MED13: variants seen among roughly 807,000 people sequenced by gnomAD.
MED13 encodes mediator of RNA polymerase II transcription subunit 13.
A neutral mutation model predicts 225.2 loss-of-function variants in MED13; 23 were observed. The observed-to-expected ratio is 0.10, with a 90% CI of 0.07 to 0.14. The LOEUF is 0.14. MED13 is among the 10% of genes least tolerant of loss of function. MED13 has a pLI of 1.00. For missense variants in MED13, 2,197 were observed against 2,594.5 expected (o/e 0.85, Z 3.33); for synonymous variants, 942 against 889.2 (o/e 1.06, Z -1.06).
intron 26 of MED13, among the ~76,000 whole-genome samples, chr17:61,953,691 G>A (rs1288783544): frequency 6.6e-6 from 1 of 152,220 alleles, no homozygotes; most frequent in Non-Finnish European, 1.5e-5. Context: ...CTGACTTCCA[G>A]AACTGTAAGA....
At chr17:61,958,719 C>G (rs1374918839) in intron 23 of MED13, among the ~76,000 whole-genome samples, 1 of 151,744 alleles carries the variant, frequency 6.6e-6, no homozygotes, top group East Asian at 2.0e-4. Context: ...GTGATCCGCC[C>G]ACCTTGCCCT....
intron 2 of MED13, among the ~76,000 whole-genome samples, chr17:62,056,686 A>G (rs1472816510): frequency 3.3e-5 from 5 of 152,134 alleles, no homozygotes; most frequent in Admixed American, 2.6e-4. Flanking sequence ...GCTTGAGTCC[A>G]GGAGTCGGAG....
At chr17:62,048,845 A>G (rs773992086) in intron 3 of MED13, among the ~76,000 whole-genome samples, 33 of 152,274 alleles carry the variant, frequency 2.2e-4, no homozygotes, top group Non-Finnish European at 3.7e-4. Flanking sequence ...ACTCACATAC[A>G]CAGAACCTCC....
Position 61,966,424 on chromosome 17 carries a change from C to T in MED13, c.4381+38G>A, listed in dbSNP as rs937477061. On this transcript the variant is annotated intron_variant, in intron 19 of 29. Coordinates refer to ENST00000397786, the MANE Select transcript of MED13 (RefSeq NM_005121.3). The stretch of plus-strand genomic sequence containing the variant: ...AGCTGGTGGAGCAGGCCACATTTTG[C>T]TAACACCAGCCTTATACAATAAATA... 4 of 1,507,730 alleles carry T rather than the reference C, an allele frequency of 2.7e-6. No individual in the cohort carries two copies. In the African/African-American group the frequency reaches 5.6e-5, roughly 21 times the overall value. The allele number at this position is 1,507,730 out of a possible 1,614,324, so 93.4% of individuals were successfully genotyped here.
chr17:62,015,877 G>GTA lies in MED13; in HGVS notation c.1284-4646_1284-4645dup, dbSNP rs534114735. ...ATGTGTATAGTGTGTATGTGTGTGT[G>GTA]TATATATATACACACACACACACAT... On this transcript the variant is annotated intron_variant, in intron 8 of 29. Transcript: ENST00000397786. 5.6e-3 allele frequency among the ~76,000 whole-genome samples: 333 copies of GTA among 59,158 alleles called. 8 individuals carry two copies. Among genetic ancestry groups the GTA allele is most frequent in the African/African-American group, 0.02 (315 of 15,800 alleles). The allele number at this position is 59,158 out of a possible 152,430, so 38.8% of individuals were successfully genotyped here.
At chr17:61,984,117 A>C in intron 15 of MED13, 54 bp downstream of exon 15, 2 of 1,276,370 alleles carry the variant, frequency 1.6e-6, no homozygotes, top group Non-Finnish European at 2.0e-6. Context: ...TCTATGAAAA[A>C]AAAATTAAAG....
intron 8 of MED13, among the ~76,000 whole-genome samples, chr17:62,026,495 AG>A (rs1307510359): frequency 6.6e-6 from 1 of 150,944 alleles, no homozygotes; most frequent in African/African-American, 2.4e-5. Flanking sequence ...AAAAAAAAAA[AG>A]ACTGTAGCTG....
intron 3 of MED13, among the ~76,000 whole-genome samples, chr17:62,047,352 T>C (rs867933804): frequency 3.3e-5 from 5 of 152,086 alleles, no homozygotes; most frequent in Non-Finnish European, 5.9e-5. Context: ...CCCTGGGCGA[T>C]AGAGCAAGAC....
In MED13 at chr17:61,945,653, A is replaced by C. The variant is rs2079846738; in HGVS notation, c.*815T>G. On this transcript the variant is annotated 3_prime_UTR_variant, in exon 30 of 30. Coordinates refer to ENST00000397786, the MANE Select transcript of MED13 (RefSeq NM_005121.3). The stretch of plus-strand genomic sequence containing the variant: ...ATTGCCATCATGTTATTCTGTAAAG[A>C]TGTGATATATAAAATGCTGTAAGAC... The C allele has an allele frequency of 6.6e-6, 1 of 152,630 alleles. No individual in the cohort carries two copies. The highest frequency in any genetic ancestry group is 6.5e-5 in the Admixed American group (1 of 15,270). 9.5% of individuals were successfully genotyped at this position (152,630 alleles called of 1,614,324 possible).
chr17:61,999,825 G>C (rs1012670000), intron 9 of MED13, among the ~76,000 whole-genome samples: 6 of 152,158 alleles, frequency 3.9e-5, no homozygotes, highest in African/African-American at 1.4e-4. Flanking sequence ...GGGAGGCCAA[G>C]GTAGTAGCAT....
Position 61,946,501 on chromosome 17 carries a change from A to G in MED13, c.6492T>C (p.Asn2164=). ...TATTCATAATAAAGTTATATAACTG[A>G]TTCAGCACCACAAAATGAATTGGGA... The part of the protein sequence containing the change: ...SCLPIHFVVL[N]QLYNFIMNML The change falls in exon 30 of 30, where the codon AAT becomes AAC. Residue 2164 remains asparagine, a synonymous_variant. Coordinates refer to ENST00000397786, the MANE Select transcript of MED13 (RefSeq NM_005121.3). 1.2e-6 allele frequency: 2 copies of G among 1,613,910 alleles called. No homozygotes were observed. Among genetic ancestry groups the G allele is most frequent in the East Asian group, 2.2e-5 (1 of 44,872 alleles).
chr17:62,025,279 A>G (rs2080690404), intron 8 of MED13, among the ~76,000 whole-genome samples: 1 of 152,198 alleles, frequency 6.6e-6, no homozygotes, highest in Non-Finnish European at 1.5e-5. Context: ...GTTCTAATAA[A>G]TCCTTATTTA....
rs774750862 is a variant in MED13 at position 61,982,948 on chromosome 17, G to C, written c.3055C>G (p.Arg1019Gly). The change falls in exon 16 of 30, where the codon CGG (arginine) becomes GGG (glycine). Residue 1019 changes from arginine (R) to glycine (G), a missense_variant. By Grantham distance (125) the Arg-to-Gly change is moderately radical. This residue lies in a region of MED13 where 99 missense variants were observed against 158.5 expected (regional missense o/e 0.62). Transcript: ENST00000397786. ...GGTCCACCAGCTCCACGAGGAGTCC[G>C]AGGAGTCCTTGGAGTCCTTGGAGTT... ...FPTPRTPRTPRTPRGAGGPAS... is the reference protein window; with the variant it reads ...FPTPRTPRTPGTPRGAGGPAS... The C allele has an allele frequency of 6.2e-7, 1 of 1,614,092 alleles. No individual in the cohort carries two copies. The highest frequency in any genetic ancestry group is 8.5e-7 in the Non-Finnish European group (1 of 1,180,018).
At chr17:62,048,320 G>A (rs1266788007) in intron 3 of MED13, among the ~76,000 whole-genome samples, 3 of 142,266 alleles carry the variant, frequency 2.1e-5, no homozygotes, top group Non-Finnish European at 4.5e-5. Context: ...CATGAGAACC[G>A]CTTGAACCTG....
At chr17:61,972,602 C>G in intron 17 of MED13, 125 bp downstream of exon 17, 1 of 860,996 alleles carries the variant, frequency 1.2e-6, no homozygotes, top group Non-Finnish European at 1.7e-6. Context: ...AGGATTGGAC[C>G]ACAGTGGCCT....
intron 8 of MED13, among the ~76,000 whole-genome samples, chr17:62,012,954 AGCTAATTTTT>A: frequency 6.6e-6 from 1 of 151,998 alleles, no homozygotes; most frequent in Non-Finnish European, 1.5e-5. Context: ...CACCACACCT[AGCTAATTTTT>A]GTATTTTTAG....
chr17:62,062,602 A>AC (rs1555646447), intron 2 of MED13, among the ~76,000 whole-genome samples: 311 of 25,056 alleles, frequency 0.012, no homozygotes, highest in South Asian at 0.06. Context: ...CACACACACC[A>AC]CACACACACA....
At position 61,987,117 on chromosome 17, in the gene MED13, G is replaced by C; in HGVS notation, c.2275C>G (p.Pro759Ala). 6.3e-7 allele frequency: 1 copy of C among 1,596,238 alleles called. No individual in the cohort carries two copies. The change falls in exon 12 of 30, where the codon CCT becomes GCT. Residue 759 changes from proline (P) to alanine (A), a missense_variant. Transcript: ENST00000397786. ...GATGGAGGACGGGCATGACTAGTAG[G>C]GCGTGGAGCATCTACAAAAGTCAAT... Reference protein sequence around the residue: ...SPSIKQDAPRPTSHARPPSTS... With the variant: ...SPSIKQDAPRATSHARPPSTS...
chr17:62,013,787 T>A (rs900854635), intron 8 of MED13, among the ~76,000 whole-genome samples: 3 of 152,142 alleles, frequency 2.0e-5, no homozygotes, highest in African/African-American at 7.2e-5. Flanking sequence ...ACACCTGTAA[T>A]CCCAGCACTT....
Sources: gnomAD v4.1 joint callset for allele counts (sites outside exome capture counted in the v4.1 genomes callset) on GRCh38, gnomAD v4.1.1 for gene constraint, gnomAD v4.1.1 regional missense constraint, MANE v1.5 for transcripts, NCBI Gene and HGNC (gene_info 2026-07-23, HGNC 2026-07-21) for gene names.